Variants in ZMAT4 observed in about 807,000 individuals in gnomAD.
ZMAT4 encodes the protein zinc finger matrin-type 4, also known as zinc finger matrin-type protein 4.
In ZMAT4, 17 loss-of-function variants were observed where a neutral mutation model predicts 28.7. That is an observed-to-expected ratio of 0.59 (90% CI 0.41 to 0.89). ZMAT4 has a LOEUF of 0.89. Among genes scored for constraint, ZMAT4 ranks in the 40% least tolerant of loss-of-function variants. ZMAT4 has a pLI of 0.00. For missense variants in ZMAT4, 240 were observed against 283.8 expected (o/e 0.85, Z 1.11); for synonymous variants, 117 against 109.2 (o/e 1.07, Z -0.44).
chr8:40,759,213 TGGAG>T (rs1473556145), intron 3 of ZMAT4, among the ~76,000 whole-genome samples: 2 of 134,550 alleles, frequency 1.5e-5, no homozygotes, highest in Non-Finnish European at 3.1e-5. Flanking sequence ...ACCTGGGAGG[TGGAG>T]GTTGCAGTGA....
intron 2 of ZMAT4, chr8:40,786,635 G>C: frequency 8.4e-6 from 10 of 1,197,276 alleles, no homozygotes; most frequent in Non-Finnish European, 1.1e-5. Context: ...ATCTCCTTCT[G>C]TGAACATCCA....
At chr8:40,826,318 A>T (rs1816039397) in intron 1 of ZMAT4, among the ~76,000 whole-genome samples, 1 of 152,224 alleles carries the variant, frequency 6.6e-6, no homozygotes, top group Non-Finnish European at 1.5e-5. Context: ...CCATTAACAA[A>T]AGAGATTTTT....
chr8:40,688,945 G>A (rs1189481906), intron 4 of ZMAT4, among the ~76,000 whole-genome samples: 1 of 152,198 alleles, frequency 6.6e-6, no homozygotes, highest in African/African-American at 2.4e-5. Context: ...GAGGCAAAGG[G>A]ATCTGAATGT....
chr8:40,864,231 C>T (rs1817600409), intron 1 of ZMAT4, among the ~76,000 whole-genome samples: 1 of 152,248 alleles, frequency 6.6e-6, no homozygotes, highest in African/African-American at 2.4e-5. Context: ...CGAAAATCAG[C>T]AGGAAATGAC....
intron 5 of ZMAT4, among the ~76,000 whole-genome samples, chr8:40,632,566 C>T (rs1217029025): frequency 1.3e-5 from 2 of 152,002 alleles, no homozygotes; most frequent in Non-Finnish European, 2.9e-5. Flanking sequence ...TTATGAAAGA[C>T]TGAGACAAAG....
intron 3 of ZMAT4, among the ~76,000 whole-genome samples, chr8:40,711,160 A>G (rs1048354128): frequency 5.3e-5 from 8 of 152,190 alleles, no homozygotes; most frequent in African/African-American, 1.9e-4. Context: ...CCTTTGTAGA[A>G]TGATAGGGAA....
At chr8:40,628,494 A>C (rs1334823348) in intron 5 of ZMAT4, among the ~76,000 whole-genome samples, 1 of 152,226 alleles carries the variant, frequency 6.6e-6, no homozygotes, top group Non-Finnish European at 1.5e-5. Flanking sequence ...TACTGCTAAT[A>C]ACACAATGAA....
intron 3 of ZMAT4, among the ~76,000 whole-genome samples, chr8:40,740,302 T>C (rs1201101405): frequency 6.6e-6 from 1 of 152,212 alleles, no homozygotes; most frequent in Non-Finnish European, 1.5e-5. Flanking sequence ...CCAGCATCTG[T>C]TGCTTCCTGC....
chr8:40,789,938 GA>G (rs985478737), intron 2 of ZMAT4, among the ~76,000 whole-genome samples: 1 of 151,976 alleles, frequency 6.6e-6, no homozygotes, highest in Non-Finnish European at 1.5e-5. Context: ...GAACCAACTG[GA>G]AAAAAAGCCA....
chr8:40,715,652 A>T (rs1342380037), intron 3 of ZMAT4, among the ~76,000 whole-genome samples: 1 of 152,246 alleles, frequency 6.6e-6, no homozygotes, highest in Non-Finnish European at 1.5e-5. Flanking sequence ...TAGGGTTAAC[A>T]GATGAAAGGG....
intron 3 of ZMAT4, among the ~76,000 whole-genome samples, chr8:40,753,313 C>T (rs992728578): frequency 7.9e-5 from 12 of 151,962 alleles, no homozygotes; most frequent in African/African-American, 2.9e-4. Context: ...ATCCTACTTA[C>T]TCTACCTGGA....
At chr8:40,821,302 G>A (rs1015612679) in intron 2 of ZMAT4, among the ~76,000 whole-genome samples, 4 of 152,096 alleles carry the variant, frequency 2.6e-5, no homozygotes, top group Non-Finnish European at 4.4e-5. Flanking sequence ...TAACGCTTAG[G>A]CCCTTTCCTT....
intron 5 of ZMAT4, among the ~76,000 whole-genome samples, chr8:40,627,301 A>G (rs1163038340): frequency 6.7e-6 from 1 of 150,310 alleles, no homozygotes; most frequent in Non-Finnish European, 1.5e-5. Flanking sequence ...GGAACATTTT[A>G]GAACCAAATA....
At chr8:40,558,080 G>T (rs1025188548) in intron 6 of ZMAT4, among the ~76,000 whole-genome samples, 2 of 152,076 alleles carry the variant, frequency 1.3e-5, no homozygotes, top group Admixed American at 6.6e-5. Context: ...CGCCAGTTAG[G>T]CAGGAAAAAG....
intron 6 of ZMAT4, among the ~76,000 whole-genome samples, chr8:40,558,742 C>T (rs761509229): frequency 6.6e-6 from 1 of 152,032 alleles, no homozygotes; most frequent in South Asian, 2.1e-4. Flanking sequence ...AATCCTAAGG[C>T]CCCCAACTGA....
intron 6 of ZMAT4, among the ~76,000 whole-genome samples, chr8:40,548,052 G>A (rs1352829868): frequency 6.6e-6 from 1 of 152,176 alleles, no homozygotes; most frequent in Admixed American, 6.5e-5. Flanking sequence ...TGAAGCCAGA[G>A]TTCCACGGAG....
intron 3 of ZMAT4, among the ~76,000 whole-genome samples, chr8:40,722,448 A>G (rs1811142453): frequency 6.6e-6 from 1 of 152,168 alleles, no homozygotes; most frequent in African/African-American, 2.4e-5. Context: ...ACTGTATACA[A>G]TTGGATCACA....
At chr8:40,801,349 A>ATATATATATATATAT (rs1334146524) in intron 2 of ZMAT4, among the ~76,000 whole-genome samples, 42 of 48,758 alleles carry the variant, frequency 8.6e-4, no homozygotes, top group African/African-American at 2.8e-3. Context: ...TTTAAAAAAA[A>ATATATATATATATAT]AAATATATAT....
chr8:40,649,380 A>C (rs529542643), intron 5 of ZMAT4, among the ~76,000 whole-genome samples: 5 of 152,170 alleles, frequency 3.3e-5, no homozygotes, highest in African/African-American at 4.8e-5. Context: ...GCTAACTATC[A>C]TAAATATATA....
Sources: allele counts gnomAD v4.1 joint callset (sites outside exome capture counted in the v4.1 genomes callset), GRCh38; gene constraint gnomAD v4.1.1; transcripts MANE v1.5; gene names NCBI Gene and HGNC (gene_info 2026-07-23, HGNC 2026-07-21).